The following RUSC2 variants were observed in gnomAD, a reference collection of about 807,000 sequenced individuals.
The protein encoded by RUSC2 is RUN and SH3 domain containing 2.
In RUSC2, 34 loss-of-function variants were observed where a neutral mutation model predicts 122.2. The ratio of observed to expected loss-of-function variants is 0.28; its 90% CI spans 0.21 to 0.37. The LOEUF is 0.37. RUSC2 is among the 10% of genes least tolerant of loss of function. RUSC2 has a pLI of 1.00. For missense variants in RUSC2, 1,747 were observed against 1,952.4 expected (o/e 0.89, Z 1.98); for synonymous variants, 784 against 790.0 (o/e 0.99, Z 0.13).
At chr9:35,535,575 G>A (rs1587854498) in intron 1 of RUSC2, among the ~76,000 whole-genome samples, 1 of 122,608 alleles carries the variant, frequency 8.2e-6, no homozygotes, top group East Asian at 2.4e-4. Flanking sequence ...CTCTTGCTCT[G>A]TAGCCCAGGC....
chr9:35,521,655 A>G (rs1306823624), intron 1 of RUSC2, among the ~76,000 whole-genome samples: 2 of 152,190 alleles, frequency 1.3e-5, no homozygotes, highest in Non-Finnish European at 2.9e-5. Context: ...CTTTTCTACA[A>G]CATATGTGAG....
At chr9:35,533,133 G>A (rs1821454316) in intron 1 of RUSC2, among the ~76,000 whole-genome samples, 1 of 151,980 alleles carries the variant, frequency 6.6e-6, no homozygotes, top group Non-Finnish European at 1.5e-5. Flanking sequence ...TGTAATCCCA[G>A]CTACTCGAGA....
rs192285610 is a variant in RUSC2 at position 35,547,941 on chromosome 9, A to T, written c.1420A>T (p.Thr474Ser). The change falls in exon 2 of 12, where the codon ACT becomes TCT. Residue 474 changes from threonine (T) to serine (S), a missense_variant. Transcript: ENST00000361226. This position sits in a 1 kb window ranked among gnomAD's most constrained non-coding sequence, Gnocchi z 4.6. Reference protein sequence around the residue: ...STQAAAAVGPTVLEGQVYTNT... With the variant: ...STQAAAAVGPSVLEGQVYTNT... ...CCAAGCAGCAGCTGCTGTGGGCCCC[A>T]CTGTGCTTGAGGGACAAGTATACAC... is the stretch of plus-strand genomic sequence containing the variant. 2.5e-6 allele frequency: 4 copies of T among 1,614,180 alleles called. No homozygotes were observed. In the East Asian group the frequency reaches 8.9e-5, roughly 36 times the overall value.
chr9:35,550,866 A>G (rs1821877598), intron 2 of RUSC2, among the ~76,000 whole-genome samples: 1 of 152,020 alleles, frequency 6.6e-6, no homozygotes, highest in African/African-American at 2.4e-5. Flanking sequence ...ACCTGAGGTC[A>G]GGAGTTCACC....
In RUSC2 at chr9:35,496,048, G is replaced by A. The variant is rs1282637289; in HGVS notation, c.-93+5876G>A. Among the ~76,000 whole-genome samples the A allele has an allele frequency of 2.0e-5, 3 of 152,318 alleles. No individual in the cohort carries two copies. In the East Asian group the frequency reaches 5.8e-4, roughly 29 times the overall value. Reference sequence around the variant, plus strand: ...AGAAAATTACACCAAAGCAAAAGAAGCATCAGAGAGTGATGAGCGAGCTAG... The same window carrying A: ...AGAAAATTACACCAAAGCAAAAGAAACATCAGAGAGTGATGAGCGAGCTAG... On this transcript the variant is annotated intron_variant, in intron 1 of 11. Coordinates refer to ENST00000361226, the MANE Select transcript of RUSC2 (RefSeq NM_014806.5).
intron 1 of RUSC2, among the ~76,000 whole-genome samples, chr9:35,524,940 C>A (rs1244797984): frequency 6.6e-6 from 1 of 150,786 alleles, no homozygotes; most frequent in Non-Finnish European, 1.5e-5. Context: ...CACTGCACTC[C>A]AGCCTGGGGG....
intron 1 of RUSC2, among the ~76,000 whole-genome samples, chr9:35,526,794 C>T (rs1292582864): frequency 6.6e-6 from 1 of 152,096 alleles, no homozygotes; most frequent in Non-Finnish European, 1.5e-5. Flanking sequence ...AAAAGCCACA[C>T]AAAAAATTTT....
intron 1 of RUSC2, among the ~76,000 whole-genome samples, chr9:35,533,476 T>C (rs964535313): frequency 6.6e-6 from 1 of 152,212 alleles, no homozygotes; most frequent in Non-Finnish European, 1.5e-5. Context: ...TATTGAAATA[T>C]AATTGACATA....
intron 2 of RUSC2, among the ~76,000 whole-genome samples, chr9:35,550,541 G>A (rs1341108248): frequency 1.3e-5 from 2 of 151,312 alleles, no homozygotes; most frequent in Non-Finnish European, 3.0e-5. Flanking sequence ...CAGGAGAATC[G>A]CTTGAACCCA....
rs556061003 is a variant in RUSC2, at chr9:35,513,068, T to A, written c.-93+22896T>A. On this transcript the variant is annotated intron_variant, in intron 1 of 11. Coordinates refer to ENST00000361226, the MANE Select transcript of RUSC2 (RefSeq NM_014806.5). ...AATGACTATAAATATTAATTGCTACTACTACTAGGATGACGATGATGATGA... is the reference window on the plus strand; with the variant it reads ...AATGACTATAAATATTAATTGCTACAACTACTAGGATGACGATGATGATGA... Among the ~76,000 whole-genome samples, 295 of 152,320 alleles carry A rather than the reference T, an allele frequency of 1.9e-3. 1 individual carries two copies. Among genetic ancestry groups the A allele is most frequent in the African/African-American group, 6.7e-3 (279 of 41,574 alleles).
chr9:35,534,769 C>T (rs180820438), intron 1 of RUSC2, among the ~76,000 whole-genome samples: 68 of 152,330 alleles, frequency 4.5e-4, no homozygotes, highest in African/African-American at 1.6e-3. Flanking sequence ...AGGTGTGAGC[C>T]ACCATGCCTG....
At chr9:35,559,199 C>G in intron 8 of RUSC2, 27 bp from the exon 9 acceptor site, 2 of 1,598,688 alleles carry the variant, frequency 1.3e-6, no homozygotes, top group Non-Finnish European at 1.7e-6. Flanking sequence ...ACACAAGACT[C>G]AACTCTCTTC....
intron 1 of RUSC2, among the ~76,000 whole-genome samples, chr9:35,531,118 G>A (rs1036852157): frequency 5.3e-5 from 8 of 152,000 alleles, no homozygotes; most frequent in Non-Finnish European, 8.8e-5. Context: ...AAAATTAGCC[G>A]GGCTTGGTGT....
rs372913371 is a variant in RUSC2, at chr9:35,558,272, G to A, written c.3136G>A (p.Ala1046Thr). Residue 1046 changes from alanine (A) to threonine (T), a missense_variant, in exon 7 of 12, where the codon GCC (alanine) becomes ACC (threonine). Transcript: ENST00000361226. This position sits in a 1 kb window ranked among gnomAD's most constrained non-coding sequence, Gnocchi z 4.3. ...VLKYLCPAVR[A>T]VLEDGLKAFV... ...GAAGTACTTGTGCCCTGCCGTCCGC[G>A]CCGTGCTGGAGGATGGGCTCAAGGC... is the stretch of plus-strand genomic sequence containing the variant. 1.3e-5 allele frequency: 21 copies of A among 1,614,032 alleles called. No individual in the cohort carries two copies. The highest frequency in any genetic ancestry group is 4.4e-5 in the South Asian group (4 of 91,092).
intron 1 of RUSC2, among the ~76,000 whole-genome samples, chr9:35,504,815 G>T (rs967047619): frequency 3.3e-5 from 5 of 152,178 alleles, no homozygotes; most frequent in African/African-American, 1.2e-4. Context: ...AATATGGCAT[G>T]ATTCCACTTG....
intron 1 of RUSC2, among the ~76,000 whole-genome samples, chr9:35,544,140 AT>A (rs925710398): frequency 4.0e-5 from 6 of 151,808 alleles, no homozygotes; most frequent in Admixed American, 2.6e-4. Context: ...TGTATTTCTT[AT>A]TTTATCCCTC....
chr9:35,558,050 A>G lies in RUSC2; in HGVS notation c.3060+60A>G, dbSNP rs561317833. On this transcript the variant is annotated intron_variant, in intron 6 of 11. Coordinates refer to ENST00000361226, the MANE Select transcript of RUSC2 (RefSeq NM_014806.5). The surrounding 1 kb of genome is among the most constrained non-coding windows in gnomAD (Gnocchi z 4.3). ...TGCAAGCCCTCACCTGTCCCGCGCT[A>G]CCACCTTCCCTTGCTGTCTTGCATT... The G allele has an allele frequency of 2.3e-5, 37 of 1,584,056 alleles. 1 individual carries two copies. In the Admixed American group the frequency reaches 4.8e-4, roughly 21 times the overall value.
Position 35,558,683 on chromosome 9 carries a change from GT to G in RUSC2, c.3341+117del. The stretch of plus-strand genomic sequence containing the variant: ...CAGACAGAAAGGGTGGATCTGGAGG[GT>G]CCCCTCAGCCCGCTATGGCCTCTCA... On this transcript the variant is annotated intron_variant, in intron 8 of 11. Coordinates refer to ENST00000361226, the MANE Select transcript of RUSC2 (RefSeq NM_014806.5). The surrounding 1 kb of genome is among the most constrained non-coding windows in gnomAD (Gnocchi z 4.3). 1.2e-6 allele frequency: 1 copy of G among 865,040 alleles called. No homozygotes were observed. The highest frequency in any genetic ancestry group is 1.9e-6 in the Non-Finnish European group (1 of 527,674). 53.6% of individuals were successfully genotyped at this position (865,040 alleles called of 1,614,324 possible).
intron 2 of RUSC2, chr9:35,549,166 G>A (rs1025957823): frequency 6.1e-5 from 60 of 985,286 alleles, no homozygotes; most frequent in Non-Finnish European, 6.9e-5. Flanking sequence ...ATGGATAGGG[G>A]CTGTAATCAC....
Sources: gnomAD v4.1 joint callset for allele counts (sites outside exome capture counted in the v4.1 genomes callset) on GRCh38, gnomAD v4.1.1 for gene constraint, Gnocchi (gnomAD v3.1) non-coding constraint, MANE v1.5 for transcripts, NCBI Gene and HGNC (gene_info 2026-07-23, HGNC 2026-07-21) for gene names.